The following ABCB4 variants were observed in gnomAD, a reference collection of about 807,000 sequenced individuals.
The protein encoded by ABCB4 is ATP binding cassette subfamily B member 4, also known as phosphatidylcholine translocator ABCB4.
In ABCB4, 76 loss-of-function variants were observed where a neutral mutation model predicts 145.7. The observed-to-expected ratio is 0.52, with a 90% CI of 0.43 to 0.63. The LOEUF is 0.63. Among genes scored for constraint, ABCB4 ranks in the 30% least tolerant of loss-of-function variants. ABCB4 has a pLI of 0.00. For missense variants in ABCB4, 1,234 were observed against 1,553.1 expected (o/e 0.79, Z 3.45); for synonymous variants, 517 against 566.8 (o/e 0.91, Z 1.25).
At chr7:87,466,214 G>A (rs1024595266) in intron 3 of ABCB4, among the ~76,000 whole-genome samples, 5 of 152,188 alleles carry the variant, frequency 3.3e-5, no homozygotes, top group African/African-American at 4.8e-5. Context: ...AGGACCTGAT[G>A]GAGCTGAAAA....
upstream of ABCB4, chr7:87,475,757 C>A (rs940097334): frequency 1.6e-5 from 5 of 320,470 alleles, no homozygotes; most frequent in East Asian, 3.4e-4. Flanking sequence ...GCGTCCGGCC[C>A]GGGAAACGCC....
chr7:87,375,818 T>C, the ABCB4 span: 1 of 1,613,124 alleles, frequency 6.2e-7, no homozygotes, highest in Non-Finnish European at 8.5e-7. Flanking sequence ...ATCATCTCCT[T>C]GCCCTTTAGG....
intron 17 of ABCB4, among the ~76,000 whole-genome samples, chr7:87,423,255 T>A (rs1425659151): frequency 6.6e-6 from 1 of 152,242 alleles, no homozygotes; most frequent in East Asian, 1.9e-4. Flanking sequence ...GATAACTTCC[T>A]TTAAATATCC....
chr7:87,455,001 T>A (rs1235326885), intron 4 of ABCB4, among the ~76,000 whole-genome samples: 1 of 152,180 alleles, frequency 6.6e-6, no homozygotes, highest in Non-Finnish European at 1.5e-5. Context: ...AGGCATTTTT[T>A]TTTTTTGGTG....
chr7:87,423,163 T>C (rs6977539), intron 17 of ABCB4, among the ~76,000 whole-genome samples: 10,719 of 152,288 alleles, frequency 0.07, 390 homozygotes, highest in South Asian at 0.14. Flanking sequence ...CAACAAAGTC[T>C]CTCCAATAAC....
chr7:87,450,885 C>A (rs967620892), intron 7 of ABCB4, among the ~76,000 whole-genome samples: 1 of 152,126 alleles, frequency 6.6e-6, no homozygotes, highest in East Asian at 1.9e-4. Flanking sequence ...AAATCATCAA[C>A]GTCAGGATGA....
intron 6 of ABCB4, 55 bp from the exon 7 acceptor site, chr7:87,451,849 G>T: frequency 6.5e-7 from 1 of 1,546,896 alleles, no homozygotes; most frequent in South Asian, 1.1e-5. Flanking sequence ...TTAGAAAGAT[G>T]AAGTAGACAT....
intron 15 of ABCB4, among the ~76,000 whole-genome samples, chr7:87,427,369 C>G (rs576316309): frequency 3.3e-5 from 5 of 152,136 alleles, no homozygotes; most frequent in African/African-American, 4.8e-5. Context: ...TCTTCCTCGA[C>G]TGGCTGAGTA....
the ABCB4 span, chr7:87,375,775 T>A: frequency 6.2e-7 from 1 of 1,612,414 alleles, no homozygotes; most frequent in Non-Finnish European, 8.5e-7. Flanking sequence ...CAAACTCTTT[T>A]GATGTATTGT....
chr7:87,411,652 A>G (rs1036410018), intron 23 of ABCB4, among the ~76,000 whole-genome samples: 3 of 152,218 alleles, frequency 2.0e-5, no homozygotes, highest in Admixed American at 2.0e-4. Context: ...GATCATATGT[A>G]CAACTAAAAC....
At chr7:87,433,669 G>GTTTTTTTTT (rs752621529) in intron 14 of ABCB4, among the ~76,000 whole-genome samples, 6 of 124,046 alleles carry the variant, frequency 4.8e-5, no homozygotes, top group African/African-American at 1.2e-4. Flanking sequence ...ACAAAAAATT[G>GTTTTTTTTT]TTGTTGTTTT....
chr7:87,404,084 T>C (rs1176594672), intron 26 of ABCB4, among the ~76,000 whole-genome samples: 1 of 152,232 alleles, frequency 6.6e-6, no homozygotes, highest in Non-Finnish European at 1.5e-5. Flanking sequence ...GCTGAAGCTG[T>C]AAATTTTTCT....
chr7:87,372,317 A>G, the ABCB4 span, among the ~76,000 whole-genome samples: 1 of 152,186 alleles, frequency 6.6e-6, no homozygotes, highest in African/African-American at 2.4e-5. Context: ...TCCAATCTTA[A>G]TTTTGATTTA....
At chr7:87,401,340 A>AT (rs527870478), downstream of ABCB4, among the ~76,000 whole-genome samples, 286 of 152,298 alleles carry the variant, frequency 1.9e-3, 4 homozygotes, top group African/African-American at 6.4e-3. Context: ...GGTTGTCTAT[A>AT]TTTTTTGCTT....
At chr7:87,443,915 G>A (rs1355880227) in intron 10 of ABCB4, 142 bp from the exon 11 acceptor site, 1 of 694,456 alleles carries the variant, frequency 1.4e-6, no homozygotes, top group Non-Finnish European at 2.6e-6. Flanking sequence ...GATGAAGATT[G>A]TGTGTATATG....
the ABCB4 span, chr7:87,369,582 G>A: frequency 1.8e-6 from 1 of 569,962 alleles, no homozygotes; most frequent in South Asian, 4.6e-5. Flanking sequence ...ATAGTAAGCT[G>A]AAAAATAAGA....
rs748606431 is a variant in ABCB4 at position 87,418,676 on chromosome 7, C to T, written c.2395-56G>A. On this transcript the variant is annotated intron_variant, in intron 19 of 27. Coordinates refer to ENST00000649586, the MANE Select transcript of ABCB4 (RefSeq NM_000443.4). ...TCAAAATTAAAACAAGCAAAGAAAA[C>T]CAGACAAAGCCTCCCAAAGCTCCAA... The T allele has an allele frequency of 2.1e-5, 32 of 1,532,744 alleles. No individual in the cohort carries two copies. In the Middle Eastern group the frequency reaches 6.8e-4, roughly 33 times the overall value. The allele number at this position is 1,532,744 out of a possible 1,614,324, so 94.9% of individuals were successfully genotyped here.
the ABCB4 span, among the ~76,000 whole-genome samples, chr7:87,386,071 A>ATT: frequency 6.6e-6 from 1 of 152,078 alleles, no homozygotes; most frequent in Admixed American, 6.6e-5. Context: ...GTTTGCTAGT[A>ATT]TTTTGTTGAG....
At chr7:87,451,939 TC>T in intron 6 of ABCB4, 145 bp from the exon 7 acceptor site, 1 of 757,540 alleles carries the variant, frequency 1.3e-6, no homozygotes, top group Non-Finnish European at 2.3e-6. Flanking sequence ...AATAACATCT[TC>T]CCCACCTAAA....
Sources: allele counts gnomAD v4.1 joint callset (sites outside exome capture counted in the v4.1 genomes callset), GRCh38; gene constraint gnomAD v4.1.1; transcripts MANE v1.5; gene names NCBI Gene and HGNC (gene_info 2026-07-23, HGNC 2026-07-21).